Variants in ENTPD1 observed in about 807,000 individuals in gnomAD.
The protein encoded by ENTPD1 is ATP diphosphohydrolase.
In ENTPD1, 33 loss-of-function variants were observed where a neutral mutation model predicts 57.0. The observed-to-expected ratio is 0.58, with a 90% CI of 0.44 to 0.77. ENTPD1 has a LOEUF of 0.77. Among genes scored for constraint, ENTPD1 ranks in the 30% least tolerant of loss-of-function variants. ENTPD1 has a pLI of 0.00. For missense variants in ENTPD1, 501 were observed against 603.4 expected, an observed-to-expected ratio of 0.83 and a Z score of 1.78; for synonymous variants, 202 against 218.8, an observed-to-expected ratio of 0.92 and a Z score of 0.68.
rs746877776 is a variant in ENTPD1 at position 95,845,525 on chromosome 10, G to A, written c.742G>A (p.Val248Ile). The A allele has an allele frequency of 6.2e-6, 10 of 1,614,216 alleles. No individual in the cohort carries two copies. The highest frequency in any genetic ancestry group is 1.6e-4 in the Middle Eastern group (1 of 6,062). ...QFRLYGKDYN[V>I]YTHSFLCYGK... ...TCGCCTCTATGGCAAGGACTACAAT[G>A]TCTACACACATAGCTTCTTGTGCTA... The change falls in exon 6 of 10, where the codon GTC becomes ATC. Residue 248 changes from valine (V) to isoleucine (I), a missense_variant. Transcript: ENST00000371205.
rs11312564 is a variant in ENTPD1 at position 95,869,241 on chromosome 10, C to CTTTTTTTTTTTTT, written c.*2872_*2884dup. 4.8e-6 allele frequency: 3 copies of CTTTTTTTTTTTTT among 629,798 alleles called. 1 individual carries two copies. Among genetic ancestry groups the CTTTTTTTTTTTTT allele is most frequent in the African/African-American group, 3.3e-5 (1 of 29,872 alleles). 39.0% of individuals were successfully genotyped at this position (629,798 alleles called of 1,614,324 possible). On this transcript the variant is annotated 3_prime_UTR_variant, in exon 10 of 10. Transcript: ENST00000371205. ...GAAAAAAGATCAGCAGAAGTCATTACTTTTTTTTTTTTTTTTTTTTTTTTT... is the reference window on the plus strand; with the variant it reads ...GAAAAAAGATCAGCAGAAGTCATTACTTTTTTTTTTTTTTTTTTTTTTTTTTTTTTTTTTTTTT...
the ENTPD1 span, among the ~76,000 whole-genome samples, chr10:95,706,267 C>G: frequency 2.0e-5 from 3 of 152,206 alleles, no homozygotes; most frequent in Non-Finnish European, 4.4e-5. Flanking sequence ...CAATTTTCTT[C>G]CTAGAAACCT....
intron 1 of ENTPD1, among the ~76,000 whole-genome samples, chr10:95,760,420 T>A (rs2098052376): frequency 6.6e-6 from 1 of 152,178 alleles, no homozygotes. Flanking sequence ...CTCTGAGCAG[T>A]CAACCTACTT....
chr10:95,770,217 T>C (rs2140088212), intron 1 of ENTPD1, among the ~76,000 whole-genome samples: 1 of 148,408 alleles, frequency 6.7e-6, no homozygotes, highest in East Asian at 2.0e-4. Context: ...AGAGAAACCG[T>C]CCAAGAAGAT....
chr10:95,699,089 C>T, the ENTPD1 span, among the ~76,000 whole-genome samples: 4 of 152,288 alleles, frequency 2.6e-5, no homozygotes, highest in South Asian at 6.2e-4. Flanking sequence ...GCAGGAGGAT[C>T]GCTTGAGCCA....
At chr10:95,737,201 C>G (rs2139865504) in intron 1 of ENTPD1, among the ~76,000 whole-genome samples, 1 of 152,026 alleles carries the variant, frequency 6.6e-6, no homozygotes, top group East Asian at 1.9e-4. Flanking sequence ...AGAAATGGTT[C>G]CTGCCCTTGT....
At chr10:95,730,119 C>G (rs2097987669) in intron 1 of ENTPD1, among the ~76,000 whole-genome samples, 1 of 152,176 alleles carries the variant, frequency 6.6e-6, no homozygotes, top group Non-Finnish European at 1.5e-5. Context: ...TCATTACAGC[C>G]TCAATCTCCC....
At chr10:95,764,138 T>C (rs185260199) in intron 1 of ENTPD1, among the ~76,000 whole-genome samples, 628 of 152,334 alleles carry the variant, frequency 4.1e-3, no homozygotes, top group South Asian at 0.024. Context: ...TACCTATTAA[T>C]GGGCACTCCC....
intron 7 of ENTPD1, among the ~76,000 whole-genome samples, chr10:95,859,388 C>T (rs2098461403): frequency 6.6e-6 from 1 of 152,224 alleles, no homozygotes; most frequent in Non-Finnish European, 1.5e-5. Flanking sequence ...TCTACATTCA[C>T]TTCTAGTTAA....
rs147544161 is a variant in ENTPD1, at chr10:95,819,773, G to A, written c.17-3464G>A. ...AGAAAAAAATGCAAAGGAAGTGGCC[G>A]TCTTAAATTCTCCAGTACAGTAAGC... On this transcript the variant is annotated intron_variant, in intron 1 of 9. Transcript: ENST00000371205. Among the ~76,000 whole-genome samples the A allele has an allele frequency of 2.2e-3, 329 of 152,236 alleles. 8 individuals carry two copies. Among genetic ancestry groups the A allele is most frequent in the East Asian group, 0.017 (86 of 5,178 alleles).
chr10:95,716,472 G>C lies in ENTPD1; in HGVS notation c.37+4479G>C, dbSNP rs77484506. ...GTTGAGAGGTGGTAAGACTTTAAAA[G>C]GCATTTGAGTCATGAAAGATCTGCT... On this transcript the variant is annotated intron_variant, in intron 1 of 9. Coordinates refer to the ENTPD1 transcript ENST00000453258. Among the ~76,000 whole-genome samples the C allele has an allele frequency of 3.2e-3, 485 of 152,288 alleles. 4 individuals are homozygous for C. Among genetic ancestry groups the C allele is most frequent in the African/African-American group, 0.011 (450 of 41,554 alleles).
rs1054140909 is a variant in ENTPD1 at position 95,866,572 on chromosome 10, C to T, written c.*189C>T. ...TCAATATCCTTTGCCTCAAGGACTTCGGCAGATACTGTCTCTTTCATGAGT... is the reference window on the plus strand; with the variant it reads ...TCAATATCCTTTGCCTCAAGGACTTTGGCAGATACTGTCTCTTTCATGAGT... On this transcript the variant is annotated 3_prime_UTR_variant, in exon 10 of 10. Coordinates refer to ENST00000371205, the MANE Select transcript of ENTPD1 (RefSeq NM_001776.6). 26 of 1,451,410 alleles carry T rather than the reference C, an allele frequency of 1.8e-5. No homozygotes were observed. Among genetic ancestry groups the T allele is most frequent in the Middle Eastern group, 2.5e-4 (1 of 3,962 alleles). The allele number at this position is 1,451,410 out of a possible 1,614,324, so 89.9% of individuals were successfully genotyped here.
chr10:95,859,665 C>A (rs2098461894), intron 7 of ENTPD1, among the ~76,000 whole-genome samples: 1 of 152,098 alleles, frequency 6.6e-6, no homozygotes, highest in Admixed American at 6.5e-5. Context: ...AAGCTCTGCT[C>A]AATTATTTTT....
At chr10:95,861,944 T>A (rs1377735111) in intron 8 of ENTPD1, among the ~76,000 whole-genome samples, 1 of 151,384 alleles carries the variant, frequency 6.6e-6, no homozygotes, top group Non-Finnish European at 1.5e-5. Context: ...TGCAGTGAGC[T>A]GAGATTGTGC....
intron 1 of ENTPD1, among the ~76,000 whole-genome samples, chr10:95,719,114 A>C (rs1021993634): frequency 1.3e-5 from 2 of 152,214 alleles, no homozygotes; most frequent in African/African-American, 2.4e-5. Flanking sequence ...TCAGATACTA[A>C]GACTGCTACT....
chr10:95,725,286 A>C (rs964734703), intron 1 of ENTPD1, among the ~76,000 whole-genome samples: 1 of 152,134 alleles, frequency 6.6e-6, no homozygotes, highest in Non-Finnish European at 1.5e-5. Flanking sequence ...TAACATCATA[A>C]TAACTTCTTG....
intron 1 of ENTPD1, among the ~76,000 whole-genome samples, chr10:95,735,298 C>T (rs114730751): frequency 5.3e-5 from 8 of 152,070 alleles, no homozygotes; most frequent in Non-Finnish European, 1.0e-4. Context: ...GGATTATAGA[C>T]GTGAGCCATC....
At position 95,869,758 on chromosome 10, in the gene ENTPD1, G is replaced by A; in HGVS notation, c.*3375G>A. 1.2e-6 allele frequency: 1 copy of A among 830,184 alleles called. No individual in the cohort carries two copies. Among genetic ancestry groups the A allele is most frequent in the Non-Finnish European group, 1.5e-6 (1 of 688,736 alleles). The allele number at this position is 830,184 out of a possible 1,614,324, so 51.4% of individuals were successfully genotyped here. A position where few individuals can be genotyped will look rare whatever the true frequency, so the allele number is the denominator to read the frequency against. Reference sequence around the variant, plus strand: ...TGGATGGTATGGTACACTCAAACTGGGTAACACAGGAGAGTTTTCAGAAAG... The same window carrying A: ...TGGATGGTATGGTACACTCAAACTGAGTAACACAGGAGAGTTTTCAGAAAG... On this transcript the variant is annotated 3_prime_UTR_variant, in exon 10 of 10. Coordinates refer to ENST00000371205, the MANE Select transcript of ENTPD1 (RefSeq NM_001776.6).
chr10:95,729,517 G>T (rs1475093664), intron 1 of ENTPD1, among the ~76,000 whole-genome samples: 1 of 152,178 alleles, frequency 6.6e-6, no homozygotes, highest in Non-Finnish European at 1.5e-5. Context: ...ATAACAGCTA[G>T]AAAGCTAATT....
Sources: gnomAD v4.1 joint callset for allele counts (sites outside exome capture counted in the v4.1 genomes callset) on GRCh38, gnomAD v4.1.1 for gene constraint, MANE v1.5 for transcripts, NCBI Gene and HGNC (gene_info 2026-07-23, HGNC 2026-07-21) for gene names.